Variants in SPRY1 observed in about 807,000 individuals in gnomAD.
SPRY1 encodes the protein sprouty RTK signaling antagonist 1, also known as protein sprouty homolog 1.
In SPRY1, 20 loss-of-function variants were observed where a neutral mutation model predicts 22.6. The ratio of observed to expected loss-of-function variants is 0.89; its 90% CI spans 0.62 to 1.29. The LOEUF is 1.29. Ranked by LOEUF, SPRY1 falls within the 50% of genes most tolerant of loss-of-function variation. SPRY1 has a pLI of 0.00. For synonymous variants in SPRY1, 155 were observed against 144.7 expected (o/e 1.07, Z -0.51); for missense variants, 446 against 387.7 (o/e 1.15, Z -1.26).
In SPRY1 at chr4:123,396,811, CGCTCTGCAAACCACTG is replaced by C. The variant is rs1265901933; in HGVS notation, c.-422_-407del. ...AAATTCTGCGTAGCCGGAGTGAGAC[CGCTCTGCAAACCACTG>C]CGTGCTTTGCAGAGTGATTATCAGC... is the stretch of plus-strand genomic sequence containing the variant. On this transcript the variant is annotated 5_prime_UTR_variant, in exon 1 of 3. Transcript: ENST00000651917. 1.3e-5 allele frequency: 2 copies of C among 152,330 alleles called. No individual in the cohort carries two copies. The highest frequency in any genetic ancestry group is 3.9e-4 in the East Asian group (2 of 5,170). 9.4% of individuals were successfully genotyped at this position (152,330 alleles called of 1,614,324 possible).
At chr4:123,400,788 C>A (rs142130927) in intron 2 of SPRY1, among the ~76,000 whole-genome samples, 1 of 152,078 alleles carries the variant, frequency 6.6e-6, no homozygotes, top group Non-Finnish European at 1.5e-5. Flanking sequence ...GTGAGCCCTT[C>A]AGCTTAAAAA....
At position 123,402,678 on chromosome 4, in the gene SPRY1, A is replaced by G. The variant is rs1313974983; in HGVS notation, c.*127A>G. 4.1e-6 allele frequency: 5 copies of G among 1,234,536 alleles called. No individual in the cohort carries two copies. The highest frequency in any genetic ancestry group is 2.7e-5 in the Admixed American group (1 of 37,430). The allele number at this position is 1,234,536 out of a possible 1,614,324, so 76.5% of individuals were successfully genotyped here. ...TCCCACCTTCTCTTCCCCTGTTGCC[A>G]AGGTCTAACTCATGGATTTTTCTCT... is the stretch of plus-strand genomic sequence containing the variant. On this transcript the variant is annotated 3_prime_UTR_variant, in exon 3 of 3. Transcript: ENST00000651917.
At chr4:123,401,400 A>G in intron 2 of SPRY1, 137 bp from the exon 3 acceptor site, 1 of 703,184 alleles carries the variant, frequency 1.4e-6, no homozygotes, top group Non-Finnish European at 2.3e-6. Context: ...GGACCCCAGC[A>G]TCATTGTAAT....
chr4:123,402,172 C>G lies in SPRY1; in HGVS notation c.581C>G (p.Ala194Gly). The change falls in exon 3 of 3, where the codon GCT becomes GGT. Residue 194 changes from alanine (A) to glycine (G), a missense_variant. Coordinates refer to ENST00000651917, the MANE Select transcript of SPRY1 (RefSeq NM_001258038.2). ...CGKCKCGECT[A>G]PRTLPSCLAC... Reference sequence around the variant, plus strand: ...AAGTGCAAGTGTGGAGAATGCACTGCTCCCAGGACCCTACCATCCTGTTTG... The same window carrying G: ...AAGTGCAAGTGTGGAGAATGCACTGGTCCCAGGACCCTACCATCCTGTTTG... 1.9e-6 allele frequency: 3 copies of G among 1,614,212 alleles called. No individual in the cohort carries two copies. Among genetic ancestry groups the G allele is most frequent in the Non-Finnish European group, 2.5e-6 (3 of 1,180,034 alleles).
At position 123,402,402 on chromosome 4, in the gene SPRY1, C is replaced by T. The variant is rs1179286977; in HGVS notation, c.811C>T (p.Leu271Phe). 12 of 1,614,064 alleles carry T rather than the reference C, an allele frequency of 7.4e-6. No individual in the cohort carries two copies. Among genetic ancestry groups the T allele is most frequent in the African/African-American group, 2.7e-5 (2 of 74,926 alleles). ...CATGTCTTTATTTTTACCTTGCTTA[C>T]TCTGTTATCCTCCTGCTAAAGGATG... ...GAMSLFLPCL[L>F]CYPPAKGCLK... Residue 271 changes from leucine to phenylalanine, a missense_variant, in exon 3 of 3, where the codon CTC becomes TTC. Physicochemically the swap from Leu to Phe is conservative, Grantham distance 22. Transcript: ENST00000651917.
intron 1 of SPRY1, among the ~76,000 whole-genome samples, chr4:123,397,225 G>A (rs1175688712): frequency 6.6e-6 from 1 of 152,234 alleles, no homozygotes; most frequent in African/African-American, 2.4e-5. Context: ...TTTATGCGAA[G>A]AGGGGCTAGC....
In SPRY1 at chr4:123,402,628, G is replaced by T; in HGVS notation, c.*77G>T. 6.6e-7 allele frequency: 1 copy of T among 1,513,462 alleles called. No individual in the cohort carries two copies. The highest frequency in any genetic ancestry group is 8.8e-7 in the Non-Finnish European group (1 of 1,132,502). The allele number at this position is 1,513,462 out of a possible 1,614,324, so 93.8% of individuals were successfully genotyped here. ...GTTTTTTGTTTTTGTTTTTGTTTTT[G>T]TTTTCTTTAGAATTTTTCCCTGTTT... On this transcript the variant is annotated 3_prime_UTR_variant, in exon 3 of 3. Transcript: ENST00000651917.
At chr4:123,399,202 C>G (rs1307655667) in intron 2 of SPRY1, among the ~76,000 whole-genome samples, 2 of 150,482 alleles carry the variant, frequency 1.3e-5, no homozygotes, top group Non-Finnish European at 1.5e-5. Context: ...CTGATGAAAC[C>G]CCGTCTTTAC....
chr4:123,398,668 C>G (rs1174733587), intron 2 of SPRY1, among the ~76,000 whole-genome samples: 4 of 151,922 alleles, frequency 2.6e-5, no homozygotes, highest in African/African-American at 9.7e-5. Context: ...TCGGCGCGGC[C>G]CCTCCCGCCG....
chr4:123,400,217 A>G (rs1450575545), intron 2 of SPRY1: 1 of 152,216 alleles, frequency 6.6e-6, no homozygotes, highest in African/African-American at 2.4e-5. Context: ...CCTCATGCGC[A>G]AAGAAGGTAG....
chr4:123,397,536 A>AGCGGCCC (rs1724959826), intron 1 of SPRY1, 75 bp from the exon 2 acceptor site: 1 of 152,212 alleles, frequency 6.6e-6, no homozygotes, highest in Non-Finnish European at 1.5e-5. Flanking sequence ...CGAGCTGGCC[A>AGCGGCCC]GCGGCCCGCC....
Position 123,402,215 on chromosome 4 carries a change from C to T in SPRY1, c.624C>T (p.Cys208=). ...CCTGTTTGGCCTGTAACCGGCAGTGCCTTTGCTCTGCTGAGAGCATGGTGG... is the reference window on the plus strand; with the variant it reads ...CCTGTTTGGCCTGTAACCGGCAGTGTCTTTGCTCTGCTGAGAGCATGGTGG... ...LPSCLACNRQ[C]LCSAESMVEY... The change falls in exon 3 of 3, where the codon TGC becomes TGT. Residue 208 remains cysteine, a synonymous_variant. Transcript: ENST00000651917. 1.2e-6 allele frequency: 2 copies of T among 1,614,164 alleles called. No individual in the cohort carries two copies. The highest frequency in any genetic ancestry group is 1.7e-6 in the Non-Finnish European group (2 of 1,180,024).
At position 123,398,913 on chromosome 4, in the gene SPRY1, A is replaced by AG. The variant is rs1178405410; in HGVS notation, c.-56+1062dup. ...CTCTTTGGAGGAGTGTGCCTCAAGC[A>AG]GGGGGACGACAAAGGCTGTGTGTGT... is the stretch of plus-strand genomic sequence containing the variant. On this transcript the variant is annotated intron_variant, in intron 2 of 2. Transcript: ENST00000651917. Among the ~76,000 whole-genome samples the AG allele has an allele frequency of 9.2e-5, 14 of 152,002 alleles. 1 individual carries two copies. The highest frequency in any genetic ancestry group is 7.8e-4 in the Admixed American group (12 of 15,292).
At chr4:123,399,544 C>CCACCGTGGTAACTTG (rs1344559191) in intron 2 of SPRY1, 2 of 152,314 alleles carry the variant, frequency 1.3e-5, no homozygotes, top group Non-Finnish European at 2.9e-5. Context: ...GGGCGCAGCT[C>CCACCGTGGTAACTTG]CACCGTGGTA....
At chr4:123,400,985 TTACC>T (rs1725122656) in intron 2 of SPRY1, among the ~76,000 whole-genome samples, 2 of 152,192 alleles carry the variant, frequency 1.3e-5, no homozygotes, top group Non-Finnish European at 1.5e-5. Context: ...ATATAGAAAA[TTACC>T]TATTATTTTG....
Position 123,398,708 on chromosome 4 carries a change from G to C in SPRY1, c.-56+852G>C, listed in dbSNP as rs1169985047. 2.0e-5 allele frequency among the ~76,000 whole-genome samples: 3 copies of C among 152,120 alleles called. No individual in the cohort carries two copies. The South Asian group carries it at 6.2e-4, about 31-fold the overall frequency. ...CTGCCCCCTGGGGGCCGCGGCTTCT[G>C]GGGGCTCAAGGTTGGGTGGCGGGGT... On this transcript the variant is annotated intron_variant, in intron 2 of 2. Transcript: ENST00000651917.
chr4:123,398,418 C>T (rs1725003527), intron 2 of SPRY1: 1 of 151,140 alleles, frequency 6.6e-6, no homozygotes, highest in African/African-American at 2.4e-5. Flanking sequence ...GCCTCGCCCT[C>T]CCCGCCGCGG....
chr4:123,401,038 A>AT (rs1393756785), intron 2 of SPRY1, among the ~76,000 whole-genome samples: 2 of 152,226 alleles, frequency 1.3e-5, no homozygotes, highest in East Asian at 1.9e-4. Context: ...TAATGCCTTA[A>AT]TTTTTTTCAT....
Position 123,403,415 on chromosome 4 carries a change from A to G in SPRY1, c.*864A>G, listed in dbSNP as rs1406320230. On this transcript the variant is annotated 3_prime_UTR_variant, in exon 3 of 3. Coordinates refer to ENST00000651917, the MANE Select transcript of SPRY1 (RefSeq NM_001258038.2). ...TGCCTAAAGTGATCTTGGCTCCTTA[A>G]TGGTCCTTTTGGCCCCTTGGATAGT... is the stretch of plus-strand genomic sequence containing the variant. 5 of 167,076 alleles carry G rather than the reference A, an allele frequency of 3.0e-5. No homozygotes were observed. 10.3% of individuals were successfully genotyped at this position (167,076 alleles called of 1,614,324 possible).
Sources: allele counts gnomAD v4.1 joint callset (sites outside exome capture counted in the v4.1 genomes callset), GRCh38; gene constraint gnomAD v4.1.1; transcripts MANE v1.5; gene names NCBI Gene and HGNC (gene_info 2026-07-23, HGNC 2026-07-21).